Variants in CACNA2D1 observed in about 807,000 individuals in gnomAD.
CACNA2D1 encodes the protein calcium voltage-gated channel auxiliary subunit alpha2delta 1.
A neutral mutation model predicts 171.5 loss-of-function variants in CACNA2D1; 53 were observed. That is an observed-to-expected ratio of 0.31 (90% CI 0.25 to 0.39). The LOEUF (loss-of-function observed/expected upper bound fraction) is 0.39, where lower values mean the gene tolerates loss of function less well. Among genes scored for constraint, CACNA2D1 ranks in the 10% least tolerant of loss-of-function variants. CACNA2D1 has a pLI of 1.00. For synonymous variants in CACNA2D1, 442 were observed against 443.1 expected (o/e 1.00, Z 0.03); for missense variants, 903 against 1,299.8 (o/e 0.69, Z 4.69).
At chr7:82,421,175 A>C (rs1828684838) in intron 1 of CACNA2D1, among the ~76,000 whole-genome samples, 1 of 152,160 alleles carries the variant, frequency 6.6e-6, no homozygotes, top group East Asian at 1.9e-4. Flanking sequence ...CTAAGGAGAC[A>C]GTTTCTGATG....
chr7:82,385,572 G>GT (rs1824249794), intron 1 of CACNA2D1, among the ~76,000 whole-genome samples: 1 of 152,174 alleles, frequency 6.6e-6, no homozygotes, highest in Non-Finnish European at 1.5e-5. Context: ...TTTTGCAAAT[G>GT]TATTTTTGGA....
intron 1 of CACNA2D1, among the ~76,000 whole-genome samples, chr7:82,356,028 C>T (rs1025201025): frequency 6.6e-5 from 10 of 152,050 alleles, no homozygotes; most frequent in African/African-American, 2.4e-4. Flanking sequence ...AGGGTCCATA[C>T]CATCTTATCC....
rs76037669 is a variant in CACNA2D1, at chr7:82,063,021, C to T, written c.779+1283G>A. 7.3e-3 allele frequency among the ~76,000 whole-genome samples: 1,114 copies of T among 152,206 alleles called. 14 individuals are homozygous for T. The highest frequency in any genetic ancestry group is 0.026 in the African/African-American group (1,061 of 41,534). ...CTTAGCCTCCCAAGTGATGGGATCA[C>T]AGGTGTGAGTAACCACGTCTGGTCT... On this transcript the variant is annotated intron_variant, in intron 9 of 38. Transcript: ENST00000356860.
At chr7:82,056,009 TAAAAA>T (rs61512655) in intron 10 of CACNA2D1, among the ~76,000 whole-genome samples, 138 of 42,194 alleles carry the variant, frequency 3.3e-3, no homozygotes, top group Admixed American at 4.5e-3. Context: ...ACTCAAAAGT[TAAAAA>T]AAAAAAAAAA....
At chr7:82,385,405 C>G (rs1824221564) in intron 1 of CACNA2D1, among the ~76,000 whole-genome samples, 1 of 152,180 alleles carries the variant, frequency 6.6e-6, no homozygotes, top group South Asian at 2.1e-4. Flanking sequence ...TCCACTGATG[C>G]TCATGACGAT....
At chr7:82,143,058 G>A (rs562373683) in intron 4 of CACNA2D1, among the ~76,000 whole-genome samples, 24 of 152,230 alleles carry the variant, frequency 1.6e-4, no homozygotes, top group African/African-American at 5.5e-4. Flanking sequence ...TGTCAGTGGT[G>A]AGGGGGGATA....
At chr7:82,316,043 A>G (rs1285886088) in intron 3 of CACNA2D1, among the ~76,000 whole-genome samples, 1 of 152,090 alleles carries the variant, frequency 6.6e-6, no homozygotes, top group African/African-American at 2.4e-5. Context: ...ACCTTCAAAA[A>G]TAAAAAATCT....
chr7:82,354,674 G>A (rs553516149), intron 1 of CACNA2D1, among the ~76,000 whole-genome samples: 1 of 152,252 alleles, frequency 6.6e-6, no homozygotes, highest in East Asian at 1.9e-4. Context: ...AGAATAGCTG[G>A]AAAGTATTTA....
intron 12 of CACNA2D1, among the ~76,000 whole-genome samples, chr7:82,027,341 G>C (rs776918862): frequency 6.6e-6 from 1 of 151,580 alleles, no homozygotes; most frequent in Non-Finnish European, 1.5e-5. Context: ...TCTCACATTA[G>C]AAAATGTGGG....
intron 1 of CACNA2D1, among the ~76,000 whole-genome samples, chr7:82,406,725 C>T (rs1215880055): frequency 6.6e-6 from 1 of 152,190 alleles, no homozygotes; most frequent in Non-Finnish European, 1.5e-5. Context: ...CCTTCACCCA[C>T]TTTTTGATCG....
intron 20 of CACNA2D1, among the ~76,000 whole-genome samples, chr7:81,992,941 A>C (rs1372214817): frequency 6.6e-6 from 1 of 152,202 alleles, no homozygotes; most frequent in African/African-American, 2.4e-5. Flanking sequence ...TTGATGGAGT[A>C]TGCATAATAA....
chr7:82,093,401 G>A (rs1037184081), intron 6 of CACNA2D1, among the ~76,000 whole-genome samples: 1 of 151,854 alleles, frequency 6.6e-6, no homozygotes, highest in Non-Finnish European at 1.5e-5. Flanking sequence ...AATTTATCTT[G>A]ATAAATTCTG....
intron 7 of CACNA2D1, among the ~76,000 whole-genome samples, chr7:82,079,649 G>A (rs965222519): frequency 9.4e-5 from 14 of 149,096 alleles, no homozygotes; most frequent in African/African-American, 2.7e-4. Context: ...CCGAGATTAC[G>A]CCACTGCACT....
chr7:81,971,935 C>A, intron 25 of CACNA2D1, 71 bp from the exon 26 acceptor site: 2 of 995,132 alleles, frequency 2.0e-6, no homozygotes, highest in Admixed American at 3.5e-5. Context: ...AATATATTTT[C>A]TATTTCCAAA....
intron 10 of CACNA2D1, chr7:82,050,380 A>G: frequency 7.2e-6 from 4 of 552,662 alleles, no homozygotes; most frequent in Non-Finnish European, 1.3e-5. Flanking sequence ...ACAGAGGAGC[A>G]GAGTAACATC....
At chr7:82,124,982 C>T (rs549455822) in intron 5 of CACNA2D1, among the ~76,000 whole-genome samples, 1 of 152,178 alleles carries the variant, frequency 6.6e-6, no homozygotes, top group South Asian at 2.1e-4. Context: ...TCCCTACTAG[C>T]TTATTCTAGA....
At chr7:81,968,359 A>G (rs1401973394) in intron 29 of CACNA2D1, among the ~76,000 whole-genome samples, 1 of 151,408 alleles carries the variant, frequency 6.6e-6, no homozygotes, top group Non-Finnish European at 1.5e-5. Flanking sequence ...ATGTTTGTTT[A>G]CTTGCCTATT....
chr7:82,171,415 A>G (rs7778477), intron 3 of CACNA2D1, among the ~76,000 whole-genome samples: 9,745 of 152,018 alleles, frequency 0.064, 655 homozygotes, highest in African/African-American at 0.17. Context: ...AGACAGTGAC[A>G]TTTAATGGTT....
intron 1 of CACNA2D1, among the ~76,000 whole-genome samples, chr7:82,363,241 T>C (rs1409165259): frequency 6.7e-6 from 1 of 150,116 alleles, no homozygotes; most frequent in Non-Finnish European, 1.5e-5. Context: ...ACCATAGTTT[T>C]ATTTATTTGT....
Sources: allele counts gnomAD v4.1 joint callset (sites outside exome capture counted in the v4.1 genomes callset), GRCh38; gene constraint gnomAD v4.1.1; transcripts MANE v1.5; gene names NCBI Gene and HGNC (gene_info 2026-07-23, HGNC 2026-07-21).